CGNL1: variants seen among roughly 807,000 people sequenced by gnomAD.
CGNL1 encodes the protein cingulin like 1, also known as cingulin-like protein 1.
Under a neutral mutation model 141.2 loss-of-function variants are expected in CGNL1, and 132 were observed. That is an observed-to-expected ratio of 0.93 (90% CI 0.81 to 1.08). The LOEUF is 1.08. Among genes scored for constraint, CGNL1 ranks in the 50% least tolerant of loss-of-function variants. CGNL1 has a pLI of 0.00. For synonymous variants in CGNL1, 690 were observed against 622.1 expected, an observed-to-expected ratio of 1.11 and a Z score of -1.63; for missense variants, 1,870 against 1,588.6, an observed-to-expected ratio of 1.18 and a Z score of -3.01.
chr15:57,518,200 A>G (rs2030977367), intron 9 of CGNL1, among the ~76,000 whole-genome samples, 193 bp from the exon 10 acceptor site: 1 of 152,158 alleles, frequency 6.6e-6, no homozygotes, highest in Non-Finnish European at 1.5e-5. Flanking sequence ...CTGCCTGAGA[A>G]CTGGAACTGC....
intron 1 of CGNL1, among the ~76,000 whole-genome samples, chr15:57,403,619 A>G (rs540059731): frequency 6.6e-6 from 1 of 152,336 alleles, no homozygotes; most frequent in South Asian, 2.1e-4. Flanking sequence ...TCCATGGCAG[A>G]CCTCAGTGGC....
intron 8 of CGNL1, among the ~76,000 whole-genome samples, chr15:57,468,234 C>CTTTTTTTTTTTTTT (rs57360097): frequency 8.1e-5 from 7 of 85,914 alleles, no homozygotes; most frequent in East Asian, 3.8e-4. Flanking sequence ...TTTTCTTTTT[C>CTTTTTTTTTTTTTT]TTTTTTTTTT....
intron 1 of CGNL1, among the ~76,000 whole-genome samples, chr15:57,399,637 G>C (rs1205084551): frequency 6.6e-6 from 1 of 150,794 alleles, no homozygotes; most frequent in African/African-American, 2.4e-5. Context: ...CTACATTTCT[G>C]ATTTTACATC....
chr15:57,546,324 T>C, intron 18 of CGNL1, 85 bp downstream of exon 18: 6 of 1,419,300 alleles, frequency 4.2e-6, no homozygotes, highest in East Asian at 2.5e-5. Context: ...CACACTCCTG[T>C]TGTCTCAAGC....
At position 57,434,608 on chromosome 15, in the gene CGNL1, GT is replaced by G. The variant is rs149168296; in HGVS notation, c.-15-3376del. 7.9e-3 allele frequency among the ~76,000 whole-genome samples: 1,208 copies of G among 152,204 alleles called. 19 individuals carry two copies. The highest frequency in any genetic ancestry group is 0.028 in the African/African-American group (1,149 of 41,548). ...GCCATTATGAAATTTCAGAATACCAGTGATAAAAGGTCCTAAAAGCTTTAAG... is the reference window on the plus strand; with the variant it reads ...GCCATTATGAAATTTCAGAATACCAGGATAAAAGGTCCTAAAAGCTTTAAG... On this transcript the variant is annotated intron_variant, in intron 1 of 18. Coordinates refer to ENST00000281282, the MANE Select transcript of CGNL1 (RefSeq NM_032866.5).
At chr15:57,393,635 G>A (rs117645096) in intron 1 of CGNL1, among the ~76,000 whole-genome samples, 1,708 of 152,160 alleles carry the variant, frequency 0.011, 17 homozygotes, top group Middle Eastern at 0.027. Flanking sequence ...GGTACGTTAT[G>A]TTCCAGAGTA....
At chr15:57,487,744 C>A (rs1369115137) in intron 8 of CGNL1, among the ~76,000 whole-genome samples, 1 of 152,082 alleles carries the variant, frequency 6.6e-6, no homozygotes, top group East Asian at 1.9e-4. Flanking sequence ...ATGTACAGAT[C>A]TGAGAAACAG....
At chr15:57,486,504 C>G (rs566800024) in intron 8 of CGNL1, among the ~76,000 whole-genome samples, 21 of 152,180 alleles carry the variant, frequency 1.4e-4, no homozygotes, top group Admixed American at 3.9e-4. Flanking sequence ...TCACATGAGT[C>G]CGTCCAGTCT....
chr15:57,428,669 A>G lies in CGNL1; in HGVS notation c.-15-9316A>G, dbSNP rs1027771107. ...GCCTCGAAGAAAGAACAGGATTTTC[A>G]TAGGTGAAGGGAGACAGATTTTTAC... is the stretch of plus-strand genomic sequence containing the variant. On this transcript the variant is annotated intron_variant, in intron 1 of 18. Transcript: ENST00000281282. 3.3e-5 allele frequency among the ~76,000 whole-genome samples: 5 copies of G among 152,126 alleles called. No homozygotes were observed. In the East Asian group the frequency reaches 7.7e-4, roughly 23 times the overall value.
chr15:57,477,143 T>A (rs919485807), intron 8 of CGNL1, among the ~76,000 whole-genome samples: 4 of 151,590 alleles, frequency 2.6e-5, no homozygotes, highest in African/African-American at 4.9e-5. Context: ...AATAAAAGGC[T>A]GGACGTGCTT....
intron 1 of CGNL1, among the ~76,000 whole-genome samples, chr15:57,414,163 C>G (rs1341014766): frequency 6.6e-6 from 1 of 152,144 alleles, no homozygotes; most frequent in Non-Finnish European, 1.5e-5. Flanking sequence ...GGGCATGGAG[C>G]TGATAGCAGC....
At chr15:57,432,328 C>T (rs1300233218) in intron 1 of CGNL1, among the ~76,000 whole-genome samples, 2 of 152,306 alleles carry the variant, frequency 1.3e-5, no homozygotes, top group African/African-American at 2.4e-5. Context: ...ACCAGCATTA[C>T]GTGACTAATC....
intron 1 of CGNL1, among the ~76,000 whole-genome samples, chr15:57,405,718 G>T (rs182246487): frequency 6.7e-6 from 1 of 149,090 alleles, no homozygotes; most frequent in Non-Finnish European, 1.5e-5. Context: ...AGAAAAACTC[G>T]CAGAAGGTGT....
rs570641253 is a variant in CGNL1 at position 57,524,733 on chromosome 15, C to G, written c.3021C>G (p.Ala1007=). 1 of 1,614,140 alleles carries G rather than the reference C, an allele frequency of 6.2e-7. No individual in the cohort carries two copies. Among genetic ancestry groups the G allele is most frequent in the Admixed American group, 1.7e-5 (1 of 60,028 alleles). Residue 1007 remains alanine (A), a synonymous_variant, in exon 12 of 19, where the codon GCC becomes GCG. Coordinates refer to ENST00000281282, the MANE Select transcript of CGNL1 (RefSeq NM_032866.5). ...TLEAEKSRLT[A]MKMQDEMRLM... is the part of the protein sequence containing the mutation. ...AGGCAGAAAAGTCCCGACTGACAGC[C>G]ATGAAAATGCAGGATGAGGTAATGC... is the stretch of plus-strand genomic sequence containing the variant.
Position 57,439,244 on chromosome 15 carries a change from C to A in CGNL1, c.1245C>A (p.Ser415Arg), listed in dbSNP as rs930950607. 1.2e-6 allele frequency: 2 copies of A among 1,613,974 alleles called. No individual in the cohort carries two copies. The highest frequency in any genetic ancestry group is 2.7e-5 in the African/African-American group (2 of 74,930). ...TCAGTAGGAACTTGGGCAAGTCAAGCGAACACCTCCTCCGGCCTTCCCAGG... is the reference window on the plus strand; with the variant it reads ...TCAGTAGGAACTTGGGCAAGTCAAGAGAACACCTCCTCCGGCCTTCCCAGG... ...IEFSRNLGKSSEHLLRPSQVC... is the reference protein window; with the variant it reads ...IEFSRNLGKSREHLLRPSQVC... Residue 415 changes from serine (S) to arginine (R), a missense_variant, in exon 2 of 19, where the codon AGC (serine) becomes AGA (arginine). Ser to Arg is a moderately radical substitution (Grantham distance 110, BLOSUM62 -1). Transcript: ENST00000281282.
intron 4 of CGNL1, among the ~76,000 whole-genome samples, chr15:57,448,374 C>G (rs1022219409): frequency 4.6e-5 from 7 of 151,108 alleles, no homozygotes; most frequent in African/African-American, 1.7e-4. Flanking sequence ...AAGGGCCAGG[C>G]ATGGTGGTTC....
chr15:57,439,123 G>C lies in CGNL1; in HGVS notation c.1124G>C (p.Arg375Pro). Residue 375 changes from arginine (R) to proline (P), a missense_variant, in exon 2 of 19, where the codon CGA (arginine) becomes CCA (proline). Coordinates refer to ENST00000281282, the MANE Select transcript of CGNL1 (RefSeq NM_032866.5). ...CAGAGAAGAGGAAGGTCTGGGAAGCGAAACAGAATTAATACAGATGACAGG... is the reference window on the plus strand; with the variant it reads ...CAGAGAAGAGGAAGGTCTGGGAAGCCAAACAGAATTAATACAGATGACAGG... ...GLQRRGRSGK[R>P]NRINTDDRKR... 1 of 1,614,176 alleles carries C rather than the reference G, an allele frequency of 6.2e-7. No individual in the cohort carries two copies. Among genetic ancestry groups the C allele is most frequent in the Non-Finnish European group, 8.5e-7 (1 of 1,180,034 alleles).
chr15:57,449,872 G>A (rs746954904), intron 4 of CGNL1, among the ~76,000 whole-genome samples: 9 of 152,068 alleles, frequency 5.9e-5, no homozygotes, highest in South Asian at 4.1e-4. Context: ...TTTCCCATGC[G>A]TTTTGATGGA....
intron 1 of CGNL1, among the ~76,000 whole-genome samples, chr15:57,429,191 A>G (rs1431038988): frequency 2.0e-5 from 3 of 152,220 alleles, no homozygotes; most frequent in African/African-American, 7.2e-5. Flanking sequence ...GAGTTTGAGT[A>G]GCTTTTCAGT....
Sources: gnomAD v4.1 joint callset for allele counts (sites outside exome capture counted in the v4.1 genomes callset) on GRCh38, gnomAD v4.1.1 for gene constraint, MANE v1.5 for transcripts, NCBI Gene and HGNC (gene_info 2026-07-23, HGNC 2026-07-21) for gene names.